USP2: variants seen among roughly 807,000 people sequenced by gnomAD.
USP2 encodes the protein ubiquitin carboxyl-terminal hydrolase 2.
A neutral mutation model predicts 72.0 loss-of-function variants in USP2; 33 were observed. The ratio of observed to expected loss-of-function variants is 0.46; its 90% CI spans 0.35 to 0.61. The LOEUF is 0.61. Among genes scored for constraint, USP2 ranks in the 20% least tolerant of loss-of-function variants. The probability of loss-of-function intolerance (pLI) is 0.01; values close to 1 mark genes in which losing one functional copy is unlikely to be tolerated. For missense variants in USP2, 691 were observed against 797.8 expected (o/e 0.87, Z 1.61); for synonymous variants, 296 against 312.5 (o/e 0.95, Z 0.56).
At chr11:119,377,733 C>T (rs898862174) in intron 1 of USP2, among the ~76,000 whole-genome samples, 2 of 152,142 alleles carry the variant, frequency 1.3e-5, no homozygotes, top group Non-Finnish European at 2.9e-5. Context: ...ACCCTGTCCC[C>T]GTGGGGCAGC....
At chr11:119,378,201 C>T (rs1186686515) in intron 1 of USP2, among the ~76,000 whole-genome samples, 1 of 152,048 alleles carries the variant, frequency 6.6e-6, no homozygotes, top group Non-Finnish European at 1.5e-5. Flanking sequence ...CTTCCATCTG[C>T]ACTCTGACCC....
chr11:119,373,125 T>C lies in USP2; in HGVS notation c.356A>G (p.Asn119Ser), dbSNP rs773560496. 6.2e-7 allele frequency: 1 copy of C among 1,614,126 alleles called. No individual in the cohort carries two copies. Among genetic ancestry groups the C allele is most frequent in the Non-Finnish European group, 8.5e-7 (1 of 1,180,024 alleles). Reference sequence around the variant, plus strand: ...GATGGGCAGGTAGCTGAGGCAGTTGTTGGTCACTCCATAAGGGAATCCGCT... The same window carrying C: ...GATGGGCAGGTAGCTGAGGCAGTTGCTGGTCACTCCATAAGGGAATCCGCT... ...GGSGFPYGVT[N>S]NCLSYLPINA... The change falls in exon 2 of 13, where the codon AAC becomes AGC. Residue 119 changes from asparagine (N) to serine (S), a missense_variant. Physicochemically the swap from Asn to Ser is conservative, Grantham distance 46. Coordinates refer to ENST00000260187, the MANE Select transcript of USP2 (RefSeq NM_004205.5).
intron 1 of USP2, among the ~76,000 whole-genome samples, chr11:119,373,830 C>A (rs1023802853): frequency 2.6e-5 from 4 of 152,190 alleles, no homozygotes; most frequent in African/African-American, 9.7e-5. Flanking sequence ...CACAGCCCAC[C>A]AAGCCGTGCA....
intron 2 of USP2, among the ~76,000 whole-genome samples, chr11:119,362,916 G>A (rs1950785502): frequency 6.6e-6 from 1 of 152,218 alleles, no homozygotes; most frequent in Non-Finnish European, 1.5e-5. Context: ...TTCACCATCA[G>A]CAAATAGACA....
chr11:119,379,899 G>A (rs1419767104), intron 1 of USP2, among the ~76,000 whole-genome samples: 1 of 150,326 alleles, frequency 6.7e-6, no homozygotes, highest in African/African-American at 2.4e-5. Flanking sequence ...GGTTACTCCT[G>A]GGGAAGTGTT....
At chr11:119,375,460 C>T (rs557354329) in intron 1 of USP2, among the ~76,000 whole-genome samples, 1 of 152,346 alleles carries the variant, frequency 6.6e-6, no homozygotes, top group Non-Finnish European at 1.5e-5. Context: ...ATGTACACTC[C>T]TTTGCCCACT....
Position 119,372,793 on chromosome 11 carries a change from G to C in USP2, c.688C>G (p.Pro230Ala). The change falls in exon 2 of 13, where the codon CCC becomes GCC. Residue 230 changes from proline (P) to alanine (A), a missense_variant. Transcript: ENST00000260187. ...VPEIISPTYR[P>A]IGRYTLWETG... is the part of the protein sequence containing the mutation. ...TCCCACAGCGTGTAGCGGCCAATGG[G>C]TCGGTAGGTTGGGCTGATGATTTCA... 2 of 1,600,788 alleles carry C rather than the reference G, an allele frequency of 1.2e-6. No homozygotes were observed. The highest frequency in any genetic ancestry group is 1.7e-4 in the Middle Eastern group (1 of 5,958).
At chr11:119,359,496 A>T in intron 4 of USP2, 41 bp downstream of exon 4, 1 of 1,611,838 alleles carries the variant, frequency 6.2e-7, no homozygotes, top group South Asian at 1.1e-5. Context: ...GTGGAGGAGC[A>T]TCCGGGGGTA....
At chr11:119,356,949 GGA>G (rs922661010) in intron 12 of USP2, 27 bp from the exon 13 acceptor site, 1 of 1,548,924 alleles carries the variant, frequency 6.5e-7, no homozygotes, top group African/African-American at 1.4e-5. Flanking sequence ...GAGTCAGCCC[GGA>G]GCGGGCAGGA....
intron 1 of USP2, among the ~76,000 whole-genome samples, chr11:119,379,943 G>C (rs1951041543): frequency 9.8e-6 from 1 of 101,596 alleles, no homozygotes; most frequent in Admixed American, 1.4e-4. Flanking sequence ...TTTTGAGACG[G>C]AGTCTCCGTC....
chr11:119,367,270 T>G (rs1286552326), intron 2 of USP2, among the ~76,000 whole-genome samples: 1 of 152,202 alleles, frequency 6.6e-6, no homozygotes, highest in East Asian at 1.9e-4. Context: ...TGCTTCCCTA[T>G]AGGATAAGTA....
chr11:119,356,535 C>CA lies in USP2; in HGVS notation c.*299dup. 3.1e-6 allele frequency: 1 copy of CA among 319,980 alleles called. No individual in the cohort carries two copies. Among genetic ancestry groups the CA allele is most frequent in the Non-Finnish European group, 5.7e-6 (1 of 175,136 alleles). 19.8% of individuals were successfully genotyped at this position (319,980 alleles called of 1,614,324 possible). A position where few individuals can be genotyped will look rare whatever the true frequency, so the allele number is the denominator to read the frequency against. Reference sequence around the variant, plus strand: ...GCGGCGCAGCGAGGGTCTTCCCCCCCAAGACACAGTTGTTTCTGACACATA... The same window carrying CA: ...GCGGCGCAGCGAGGGTCTTCCCCCCCAAAGACACAGTTGTTTCTGACACATA... On this transcript the variant is annotated 3_prime_UTR_variant, in exon 13 of 13. Coordinates refer to ENST00000260187, the MANE Select transcript of USP2 (RefSeq NM_004205.5).
intron 2 of USP2, among the ~76,000 whole-genome samples, chr11:119,372,442 C>T (rs987819122): frequency 3.9e-4 from 60 of 152,236 alleles, no homozygotes; most frequent in African/African-American, 1.4e-3. Flanking sequence ...GTTCATTGGG[C>T]GCAGCAGAGC....
At chr11:119,366,276 C>T (rs991714520) in intron 2 of USP2, among the ~76,000 whole-genome samples, 1 of 152,176 alleles carries the variant, frequency 6.6e-6, no homozygotes, top group Non-Finnish European at 1.5e-5. Flanking sequence ...TAATAAATGA[C>T]AATGTGGGGC....
chr11:119,356,864 C>T lies in USP2; in HGVS notation c.1789G>A (p.Glu597Lys), dbSNP rs1379608667. 1.9e-5 allele frequency: 29 copies of T among 1,565,690 alleles called. No individual in the cohort carries two copies. Among genetic ancestry groups the T allele is most frequent in the African/African-American group, 2.7e-5 (2 of 74,184 alleles). Residue 597 changes from glutamate to lysine, a missense_variant, in exon 13 of 13, where the codon GAA (glutamate) becomes AAA (lysine). Coordinates refer to ENST00000260187, the MANE Select transcript of USP2 (RefSeq NM_004205.5). Reference sequence around the variant, plus strand: ...ATTCGGGAGGGCGGGCTGGCCAGTTCGTAGAAGAGCAGGTAGGCGTCGCTG... The same window carrying T: ...ATTCGGGAGGGCGGGCTGGCCAGTTTGTAGAAGAGCAGGTAGGCGTCGCTG... ...RTSDAYLLFYELASPPSRM is the reference protein window; with the variant it reads ...RTSDAYLLFYKLASPPSRM
intron 2 of USP2, among the ~76,000 whole-genome samples, chr11:119,360,642 C>T (rs1482071754): frequency 1.3e-5 from 2 of 152,120 alleles, no homozygotes; most frequent in African/African-American, 4.8e-5. Context: ...CCAGGCTGGT[C>T]TTGAACTCCT....
Position 119,373,584 on chromosome 11 carries a change from C to T in USP2, c.-41-63G>A, listed in dbSNP as rs912119993. 19 of 1,398,356 alleles carry T rather than the reference C, an allele frequency of 1.4e-5. No homozygotes were observed. The Admixed American group carries it at 3.1e-4, about 23-fold the overall frequency. The allele number at this position is 1,398,356 out of a possible 1,614,324, so 86.6% of individuals were successfully genotyped here. On this transcript the variant is annotated intron_variant, in intron 1 of 12. Coordinates refer to ENST00000260187, the MANE Select transcript of USP2 (RefSeq NM_004205.5). ...CAGGTGTCGGGCTCCCACAGACCTG[C>T]TCCCCATCCTCAGCTGGGCCAGAAC...
intron 2 of USP2, among the ~76,000 whole-genome samples, chr11:119,369,195 G>A (rs1950894061): frequency 6.6e-6 from 1 of 152,156 alleles, no homozygotes; most frequent in African/African-American, 2.4e-5. Context: ...CATTATACAA[G>A]TGCTGAGCTG....
chr11:119,367,925 C>T (rs1212232851), intron 2 of USP2, among the ~76,000 whole-genome samples: 1 of 152,176 alleles, frequency 6.6e-6, no homozygotes, highest in Non-Finnish European at 1.5e-5. Flanking sequence ...CATTGCTGAG[C>T]CCCACCCCAG....
Sources: allele counts gnomAD v4.1 joint callset (sites outside exome capture counted in the v4.1 genomes callset), GRCh38; gene constraint gnomAD v4.1.1; transcripts MANE v1.5; gene names NCBI Gene and HGNC (gene_info 2026-07-23, HGNC 2026-07-21).